The following ASAH1 variants were observed in gnomAD, a reference collection of about 807,000 sequenced individuals.
ASAH1 encodes acid ceramidase.
In ASAH1, 70 loss-of-function variants were observed where a neutral mutation model predicts 59.5. The observed-to-expected ratio is 1.18, with a 90% confidence interval of 0.97 to 1.43. ASAH1 has a LOEUF of 1.43. Among genes scored for constraint, ASAH1 ranks in the 40% most tolerant of loss-of-function variants. The pLI is 0.00. For synonymous variants in ASAH1, 213 were observed against 166.5 expected (o/e 1.28, Z -2.15); for missense variants, 660 against 482.5 (o/e 1.37, Z -3.45).
At position 18,062,305 on chromosome 8, in the gene ASAH1, C is replaced by A. The variant is rs774912301; in HGVS notation, c.622G>T (p.Val208Leu). 6.2e-7 allele frequency: 1 copy of A among 1,614,222 alleles called. No individual in the cohort carries two copies. Among genetic ancestry groups the A allele is most frequent in the South Asian group, 1.1e-5 (1 of 91,084 alleles). Reference sequence around the variant, plus strand: ...GGTTTGAATCCTGTTAACATGCCCACATAGCCAGCAAAGCTTGAAGCCTTG... The same window carrying A: ...GGTTTGAATCCTGTTAACATGCCCAAATAGCCAGCAAAGCTTGAAGCCTTG... ...VFKASSFAGY[V>L]GMLTGFKPGL... Residue 208 changes from valine (V) to leucine (L), a missense_variant, in exon 8 of 14, where the codon GTG becomes TTG. Transcript: ENST00000637790.
intron 10 of ASAH1, 125 bp downstream of exon 10, chr8:18,061,252 G>T: frequency 1.3e-6 from 1 of 783,920 alleles, no homozygotes; most frequent in Non-Finnish European, 2.1e-6. Flanking sequence ...GAGTGTCAGA[G>T]GTTCACCTAA....
chr8:18,071,435 T>A (rs372344101), intron 2 of ASAH1, 45 bp from the exon 3 acceptor site: 6 of 1,231,696 alleles, frequency 4.9e-6, no homozygotes, highest in African/African-American at 3.0e-5. Flanking sequence ...AAGGGTTTTT[T>A]GTGAGGGTCA....
chr8:18,084,421 T>A, upstream of ASAH1: 2 of 1,370,394 alleles, frequency 1.5e-6, no homozygotes, highest in Middle Eastern at 2.7e-4. Flanking sequence ...GGCGCCTCGA[T>A]GGGGCGCCTC....
chr8:18,074,691 C>T (rs1362483057), intron 2 of ASAH1, among the ~76,000 whole-genome samples: 1 of 152,146 alleles, frequency 6.6e-6, no homozygotes, highest in Non-Finnish European at 1.5e-5. Context: ...CATTTAAACA[C>T]TGAGGATTTG....
At chr8:18,078,153 T>C (rs1800489755) in intron 1 of ASAH1, among the ~76,000 whole-genome samples, 1 of 152,164 alleles carries the variant, frequency 6.6e-6, no homozygotes, top group African/African-American at 2.4e-5. Context: ...GCAAATTAAG[T>C]GAAACGTAAT....
upstream of ASAH1, chr8:18,084,239 G>T: frequency 2.0e-6 from 3 of 1,469,110 alleles, no homozygotes; most frequent in Non-Finnish European, 2.7e-6. Flanking sequence ...GCTTTTCAGT[G>T]CCACGAAAAG....
At chr8:18,082,798 G>C (rs1310729960) in intron 1 of ASAH1, among the ~76,000 whole-genome samples, 1 of 152,092 alleles carries the variant, frequency 6.6e-6, no homozygotes, top group Non-Finnish European at 1.5e-5. Context: ...GTTCCTGGTG[G>C]TCTTTCAATG....
chr8:18,063,116 T>A (rs1799776236), intron 7 of ASAH1, 69 bp downstream of exon 7: 7 of 1,450,230 alleles, frequency 4.8e-6, no homozygotes, highest in Admixed American at 1.7e-5. Flanking sequence ...GATCCACCCG[T>A]GTCAGCCTCC....
intron 10 of ASAH1, chr8:18,060,184 C>T (rs1039600782): frequency 6.0e-6 from 1 of 165,608 alleles, no homozygotes; most frequent in East Asian, 1.7e-4. Context: ...TAGAGATGGG[C>T]TCTCACTCTG....
intron 1 of ASAH1, among the ~76,000 whole-genome samples, chr8:18,076,988 A>G (rs1248415903): frequency 6.6e-6 from 1 of 152,228 alleles, no homozygotes; most frequent in African/African-American, 2.4e-5. Context: ...TCTGTAGCAA[A>G]AGCTAATTTC....
chr8:18,084,669 T>G (rs764427414), upstream of ASAH1: 38 of 1,613,248 alleles, frequency 2.4e-5, no homozygotes, highest in African/African-American at 4.3e-4. Flanking sequence ...AGCTGTTGGT[T>G]ACCCACTTGG....
rs766787274 is a variant in ASAH1, at chr8:18,064,447, G to A, written c.457+10C>T. ...TTCATGCTGCCCACCCTCCCTCAGC[G>A]CACAATTACCTTTTTTGTCTTCTGC... On this transcript the variant is annotated intron_variant, in intron 6 of 13. Transcript: ENST00000637790. 17 of 1,550,372 alleles carry A rather than the reference G, an allele frequency of 1.1e-5. No homozygotes were observed. The East Asian group carries it at 1.6e-4, about 14-fold the overall frequency.
chr8:18,061,836 G>C, intron 8 of ASAH1, 96 bp from the exon 9 acceptor site: 1 of 1,176,196 alleles, frequency 8.5e-7, no homozygotes, highest in East Asian at 2.5e-5. Context: ...TAAAGGCCTA[G>C]CTTGGGTAAT....
At chr8:18,084,290 CAGA>C, upstream of ASAH1, 1 of 1,435,394 alleles carries the variant, frequency 7.0e-7, no homozygotes, top group Non-Finnish European at 9.1e-7. Flanking sequence ...AGGCTACCTG[CAGA>C]AGGAGAGTCG....
chr8:18,072,299 T>A (rs74754298), intron 2 of ASAH1, among the ~76,000 whole-genome samples: 1 of 152,200 alleles, frequency 6.6e-6, no homozygotes, highest in Non-Finnish European at 1.5e-5. Context: ...ATGATACCAG[T>A]CTCCTAAATA....
rs1564534864 is a variant in ASAH1, at chr8:18,058,816, CA to C, written c.1098+18del. The stretch of plus-strand genomic sequence containing the variant: ...ATTCTTTCCCTAAAAGGCAAATATA[CA>C]TATAACATTTAAAATACCTTGTTGA... On this transcript the variant is annotated intron_variant, in intron 13 of 13. Transcript: ENST00000637790. 1.3e-6 allele frequency: 2 copies of C among 1,595,302 alleles called. No homozygotes were observed. The highest frequency in any genetic ancestry group is 1.7e-6 in the Non-Finnish European group (2 of 1,162,918).
intron 10 of ASAH1, 47 bp from the exon 11 acceptor site, chr8:18,059,750 T>C: frequency 2.0e-6 from 3 of 1,510,264 alleles, no homozygotes; most frequent in Non-Finnish European, 2.7e-6. Context: ...TTTTTAATTT[T>C]AGTAAATAAC....
chr8:18,067,374 T>G (rs1218009156), intron 4 of ASAH1, 76 bp from the exon 5 acceptor site: 10 of 920,762 alleles, frequency 1.1e-5, no homozygotes, highest in Non-Finnish European at 1.5e-5. Context: ...TAAACAAATA[T>G]AATAAAAGCA....
At chr8:18,077,156 T>A (rs1274907319) in intron 1 of ASAH1, among the ~76,000 whole-genome samples, 1 of 152,210 alleles carries the variant, frequency 6.6e-6, no homozygotes, top group African/African-American at 2.4e-5. Context: ...CTATTTCTGA[T>A]AATTCACAGA....
Sources: gnomAD v4.1 joint callset for allele counts (sites outside exome capture counted in the v4.1 genomes callset) on GRCh38, gnomAD v4.1.1 for gene constraint, MANE v1.5 for transcripts, NCBI Gene and HGNC (gene_info 2026-07-23, HGNC 2026-07-21) for gene names.